The following FAM120B variants were observed in gnomAD, a reference collection of about 807,000 sequenced individuals.
FAM120B encodes the protein constitutive coactivator of peroxisome proliferator-activated receptor gamma.
A neutral mutation model predicts 96.3 loss-of-function variants in FAM120B; 83 were observed. The observed-to-expected ratio is 0.86, with a 90% CI of 0.72 to 1.03. The LOEUF (loss-of-function observed/expected upper bound fraction) is 1.03. FAM120B is among the 50% of genes least tolerant of loss of function. The pLI, the probability that FAM120B is intolerant of heterozygous loss-of-function variation, is 0.00. For missense variants in FAM120B, 1,027 were observed against 1,121.2 expected, an observed-to-expected ratio of 0.92 and a Z score of 1.20; for synonymous variants, 407 against 402.7, an observed-to-expected ratio of 1.01 and a Z score of -0.13.
intron 6 of FAM120B, among the ~76,000 whole-genome samples, chr6:170,371,053 C>T (rs951737293): frequency 2.6e-5 from 4 of 152,102 alleles, no homozygotes; most frequent in Non-Finnish European, 4.4e-5. Context: ...TGGCTCTGAA[C>T]ACAGAGTTGT....
upstream of FAM120B, among the ~76,000 whole-genome samples, chr6:170,291,559 G>C (rs1380160852): frequency 2.0e-5 from 3 of 152,196 alleles, no homozygotes; most frequent in Non-Finnish European, 2.9e-5. Context: ...GGGGAGCATC[G>C]TAGGAAAGGG....
In FAM120B at chr6:170,344,457, C is replaced by G. The variant is rs546910903; in HGVS notation, c.2018-3694C>G. Among the ~76,000 whole-genome samples, 833 of 120,728 alleles carry G rather than the reference C, an allele frequency of 6.9e-3. 10 individuals are homozygous for G. Among genetic ancestry groups the G allele is most frequent in the African/African-American group, 0.028 (787 of 28,240 alleles). 79.2% of individuals were successfully genotyped at this position (120,728 alleles called of 152,430 possible). ...GGATGAAATCGTTCAGTCCATTCACCTGCACCGTTGCCTGCGGTGCTAGCC... is the reference window on the plus strand; with the variant it reads ...GGATGAAATCGTTCAGTCCATTCACGTGCACCGTTGCCTGCGGTGCTAGCC... On this transcript the variant is annotated intron_variant, in intron 4 of 10. Transcript: ENST00000476287.
chr6:170,378,949 C>T (rs9460127), intron 6 of FAM120B, among the ~76,000 whole-genome samples: 18,437 of 152,248 alleles, frequency 0.12, 1,409 homozygotes, highest in African/African-American at 0.21. Flanking sequence ...GGGGGTGTGC[C>T]TGTGTCAGGC....
chr6:170,339,219 C>T (rs1786649798), intron 4 of FAM120B, among the ~76,000 whole-genome samples: 1 of 152,044 alleles, frequency 6.6e-6, no homozygotes, highest in African/African-American at 2.4e-5. Context: ...GTAACAAAAT[C>T]CCTCAGCATT....
chr6:170,395,531 G>T lies in FAM120B; in HGVS notation c.2644G>T (p.Gly882Trp). The change falls in exon 9 of 11, where the codon GGG (glycine) becomes TGG (tryptophan). Residue 882 changes from glycine to tryptophan, a missense_variant. Gly to Trp is a radical substitution (Grantham distance 184). This residue lies in a region of FAM120B where 142 missense variants were observed against 122.5 expected (regional missense o/e 1.16). Coordinates refer to ENST00000476287, the MANE Select transcript of FAM120B (RefSeq NM_032448.3). ...CTCCAGCTACCACAGGACGGGCTCTGGGTATAGCCGTTCCAGTCAGGGACA... is the reference window on the plus strand; with the variant it reads ...CTCCAGCTACCACAGGACGGGCTCTTGGTATAGCCGTTCCAGTCAGGGACA... ...QGSSYHRTGS[G>W]YSRSSQGQPW... The T allele has an allele frequency of 6.2e-7, 1 of 1,601,032 alleles. No individual in the cohort carries two copies. Among genetic ancestry groups the T allele is most frequent in the East Asian group, 2.3e-5 (1 of 44,356 alleles).
At position 170,318,880 on chromosome 6, in the gene FAM120B, T is replaced by G; in HGVS notation, c.1490T>G (p.Ile497Ser). The G allele has an allele frequency of 6.2e-7, 1 of 1,614,072 alleles. No homozygotes were observed. Among genetic ancestry groups the G allele is most frequent in the Non-Finnish European group, 8.5e-7 (1 of 1,180,034 alleles). Residue 497 changes from isoleucine to serine, a missense_variant, in exon 2 of 11, where the codon ATT (isoleucine) becomes AGT (serine). Physicochemically the swap from Ile to Ser is moderately radical, Grantham distance 142. Transcript: ENST00000476287. ...ACAGACCCTGAATCTAGGCAAGAAA[T>G]TATGTGTACAGGCCATGAATCCAAA... Reference protein sequence around the residue: ...IRTDPESRQEIMCTGHESKQE... With the variant: ...IRTDPESRQESMCTGHESKQE...
At chr6:170,364,457 G>T (rs1204619977) in intron 6 of FAM120B, among the ~76,000 whole-genome samples, 1 of 152,300 alleles carries the variant, frequency 6.6e-6, no homozygotes, top group East Asian at 1.9e-4. Flanking sequence ...TGAGGAAAGG[G>T]ACAGTGTTCT....
chr6:170,333,946 T>A, intron 4 of FAM120B, among the ~76,000 whole-genome samples: 1 of 152,248 alleles, frequency 6.6e-6, no homozygotes, highest in East Asian at 1.9e-4. Context: ...GATGTGTGCA[T>A]GTGTGTCTAC....
chr6:170,394,794 T>C (rs1313868851), intron 8 of FAM120B, among the ~76,000 whole-genome samples: 2 of 152,242 alleles, frequency 1.3e-5, no homozygotes, highest in Non-Finnish European at 1.5e-5. Context: ...AAGCCCCAGG[T>C]GGCCTGCACA....
At position 170,318,808 on chromosome 6, in the gene FAM120B, T is replaced by G. The variant is rs1326991147; in HGVS notation, c.1418T>G (p.Val473Gly). The part of the protein sequence containing the change: ...MYTGPESRQE[V>G]PMYTGPESRQ... ...ACAGGCCCTGAATCCAGGCAAGAAG[T>G]TCCCATGTATACAGGCCCTGAATCC... is the stretch of plus-strand genomic sequence containing the variant. The change falls in exon 2 of 11, where the codon GTT becomes GGT. Residue 473 changes from valine to glycine, a missense_variant. Transcript: ENST00000476287. The G allele has an allele frequency of 6.2e-7, 1 of 1,614,122 alleles. No individual in the cohort carries two copies. Among genetic ancestry groups the G allele is most frequent in the Non-Finnish European group, 8.5e-7 (1 of 1,180,022 alleles).
At chr6:170,344,683 G>A (rs1028095723) in intron 4 of FAM120B, among the ~76,000 whole-genome samples, 1 of 152,220 alleles carries the variant, frequency 6.6e-6, no homozygotes, top group Non-Finnish European at 1.5e-5. Context: ...ACCTCAGCAT[G>A]CTTCCCCTAA....
intron 1 of FAM120B, among the ~76,000 whole-genome samples, chr6:170,313,931 C>G (rs917159784): frequency 7.2e-5 from 11 of 152,236 alleles, no homozygotes; most frequent in African/African-American, 2.4e-4. Context: ...TCCCTCATCC[C>G]TGTGTCCAGA....
chr6:170,330,466 CTAG>C lies in FAM120B; in HGVS notation c.1934_1936del (p.Leu645_Ala646delinsPro). Reference sequence around the variant, plus strand: ...TTCTTCAGATGTCACCAGCACCTGCCTAGCTGTCAAGGAGTGGTTTGTGTATCC... The same window carrying C: ...TTCTTCAGATGTCACCAGCACCTGCCCTGTCAAGGAGTGGTTTGTGTATCC... On this transcript the variant is annotated inframe_deletion, in exon 4 of 11. Transcript: ENST00000476287. The C allele has an allele frequency of 6.2e-7, 1 of 1,614,102 alleles. No homozygotes were observed. Among genetic ancestry groups the C allele is most frequent in the Non-Finnish European group, 8.5e-7 (1 of 1,179,990 alleles).
Position 170,330,723 on chromosome 6 carries a change from G to A in FAM120B, c.2017+173G>A, listed in dbSNP as rs1334043068. The A allele has an allele frequency of 8.2e-6, 5 of 609,722 alleles. No homozygotes were observed. In the Admixed American group the frequency reaches 8.8e-5, roughly 11 times the overall value. The allele number at this position is 609,722 out of a possible 1,614,324, so 37.8% of individuals were successfully genotyped here. A position where few individuals can be genotyped will look rare whatever the true frequency, so the allele number is the denominator to read the frequency against. On this transcript the variant is annotated intron_variant, in intron 4 of 10. Coordinates refer to ENST00000476287, the MANE Select transcript of FAM120B (RefSeq NM_032448.3). ...CATCTAACAAAGTCCCAAAATAATG[G>A]AAGGATGATGCTGTGGCAGGTTTAC...
chr6:170,340,702 G>T (rs886891955), intron 4 of FAM120B, among the ~76,000 whole-genome samples: 2 of 152,154 alleles, frequency 1.3e-5, no homozygotes, highest in Admixed American at 1.3e-4. Flanking sequence ...TGTTAATGTT[G>T]ATGCTGTTAC....
intron 6 of FAM120B, among the ~76,000 whole-genome samples, chr6:170,387,738 A>G (rs1206241868): frequency 3.3e-5 from 5 of 152,248 alleles, no homozygotes; most frequent in Admixed American, 6.5e-5. Context: ...TGTTCATTTA[A>G]AGTTAGATCT....
At chr6:170,350,577 A>C (rs1787509376) in intron 5 of FAM120B, among the ~76,000 whole-genome samples, 1 of 152,236 alleles carries the variant, frequency 6.6e-6, no homozygotes, top group Non-Finnish European at 1.5e-5. Flanking sequence ...GAGCTTCCAG[A>C]GGAAGGAGCT....
At position 170,363,605 on chromosome 6, in the gene FAM120B, G is replaced by GC. The variant is rs563990474; in HGVS notation, c.2283+5291dup. 1.3e-3 allele frequency among the ~76,000 whole-genome samples: 205 copies of GC among 152,334 alleles called. 1 individual carries two copies. The highest frequency in any genetic ancestry group is 4.6e-3 in the African/African-American group (193 of 41,578). On this transcript the variant is annotated intron_variant, in intron 6 of 10. Transcript: ENST00000476287. This position sits in a 1 kb window ranked among gnomAD's most constrained non-coding sequence, Gnocchi z 4.5. ...ATACAGGTCCCAGGCAAGGCCTGAA[G>GC]CCCCAGTTTTTACTTTATTTTGATT...
chr6:170,377,784 A>G (rs1789642899), intron 6 of FAM120B, among the ~76,000 whole-genome samples: 1 of 131,094 alleles, frequency 7.6e-6, no homozygotes, highest in South Asian at 2.7e-4. Context: ...CGCGTCCCTA[A>G]TCCCAGATGC....
Sources: gnomAD v4.1 joint callset for allele counts (sites outside exome capture counted in the v4.1 genomes callset) on GRCh38, gnomAD v4.1.1 for gene constraint, gnomAD v4.1.1 regional missense constraint, Gnocchi (gnomAD v3.1) non-coding constraint, MANE v1.5 for transcripts, NCBI Gene and HGNC (gene_info 2026-07-23, HGNC 2026-07-21) for gene names.